Variants in LPIN1 observed in about 807,000 individuals in gnomAD.
The protein encoded by LPIN1 is lipin 1, also known as phosphatidate phosphatase LPIN1.
In LPIN1, 71 loss-of-function variants were observed where a neutral mutation model predicts 107.5. The ratio of observed to expected loss-of-function variants is 0.66; its 90% CI spans 0.55 to 0.80. The LOEUF (loss-of-function observed/expected upper bound fraction) is 0.80, where lower values mean the gene tolerates loss of function less well. Ranked by LOEUF, LPIN1 falls within the 30% of genes least tolerant of loss-of-function variation. The pLI is 0.00. For synonymous variants in LPIN1, 445 were observed against 452.6 expected, an observed-to-expected ratio of 0.98 and a Z score of 0.21; for missense variants, 1,043 against 1,160.6, an observed-to-expected ratio of 0.90 and a Z score of 1.47.
At chr2:11,769,809 G>A (rs772743630) in intron 3 of LPIN1, among the ~76,000 whole-genome samples, 3 of 152,168 alleles carry the variant, frequency 2.0e-5, no homozygotes, top group Admixed American at 6.5e-5. Flanking sequence ...GAATGAAATC[G>A]ACTTGAACTA....
rs372109726 is a variant in LPIN1, at chr2:11,804,452, C to A, written c.2043C>A (p.Asn681Lys). ...GCTTGAAGTTGAAGAATGGCCCCAA[C>A]GACGTGGTTTTCAGTGTCACCACGC... Reference protein sequence around the residue: ...LKSLKLKNGPNDVVFSVTTQY... With the variant: ...LKSLKLKNGPKDVVFSVTTQY... The change falls in exon 16 of 21, where the codon AAC becomes AAA. Residue 681 changes from asparagine (N) to lysine (K), a missense_variant. Physicochemically the swap from Asn to Lys is moderately conservative, Grantham distance 94. Transcript: ENST00000674199. The A allele has an allele frequency of 6.2e-7, 1 of 1,614,116 alleles. No individual in the cohort carries two copies. The highest frequency in any genetic ancestry group is 2.2e-5 in the East Asian group (1 of 44,906).
At chr2:11,704,471 C>T (rs986104673) in intron 1 of LPIN1, among the ~76,000 whole-genome samples, 1 of 152,140 alleles carries the variant, frequency 6.6e-6, no homozygotes, top group South Asian at 2.1e-4. Flanking sequence ...TGGGTAGCAG[C>T]CCGCACTGGA....
In LPIN1 at chr2:11,713,459, C is replaced by G. The variant is rs56122279; in HGVS notation, c.82-297C>G. On this transcript the variant is annotated intron_variant, in intron 1 of 21. Transcript: ENST00000449576. ...CTAATTTTTGTATTTTTAGTAGAGA[C>G]AGGGTTTTGCCATGTTGGCCAGGCT... Among the ~76,000 whole-genome samples the G allele has an allele frequency of 0.023, 3,466 of 152,264 alleles. 140 individuals are homozygous for G. Among genetic ancestry groups the G allele is most frequent in the African/African-American group, 0.079 (3,272 of 41,530 alleles).
At chr2:11,684,053 C>T (rs770050762) in intron 1 of LPIN1, among the ~76,000 whole-genome samples, 17 of 152,224 alleles carry the variant, frequency 1.1e-4, no homozygotes, top group Non-Finnish European at 1.6e-4. Flanking sequence ...GGCAAAGTAT[C>T]CATTTAGTGA....
At chr2:11,696,449 T>C (rs560394457) in intron 1 of LPIN1, among the ~76,000 whole-genome samples, 11 of 152,256 alleles carry the variant, frequency 7.2e-5, no homozygotes, top group African/African-American at 2.6e-4. Context: ...TATTCACCTC[T>C]AGTCCATAGG....
chr2:11,824,747 C>G lies in LPIN1; in HGVS notation c.2737C>G (p.Leu913Val), dbSNP rs375266851. 6.2e-7 allele frequency: 1 copy of G among 1,614,240 alleles called. No individual in the cohort carries two copies. Among genetic ancestry groups the G allele is most frequent in the Non-Finnish European group, 8.5e-7 (1 of 1,180,052 alleles). ...FSNFTFWREP[L>V]PPFENQDIHS... ...TAACTTCACCTTTTGGAGAGAGCCACTGCCACCTTTTGAAAACCAGGACAT... is the reference window on the plus strand; with the variant it reads ...TAACTTCACCTTTTGGAGAGAGCCAGTGCCACCTTTTGAAAACCAGGACAT... The change falls in exon 21 of 21, where the codon CTG (leucine) becomes GTG (valine). Residue 913 changes from leucine (L) to valine (V), a missense_variant. Leu to Val is a conservative substitution (Grantham distance 32, BLOSUM62 1). Transcript: ENST00000674199.
chr2:11,759,133 T>TTTTCTTTCTTTA (rs1669146903), intron 1 of LPIN1, among the ~76,000 whole-genome samples: 2 of 131,534 alleles, frequency 1.5e-5, no homozygotes, highest in African/African-American at 5.8e-5. Flanking sequence ...GCTTTCTTTC[T>TTTTCTTTCTTTA]TTTCTTTCTT....
intron 1 of LPIN1, among the ~76,000 whole-genome samples, chr2:11,756,712 C>T (rs138161126): frequency 1.3e-5 from 2 of 152,186 alleles, no homozygotes; most frequent in East Asian, 3.9e-4. Flanking sequence ...TTTTAATAAT[C>T]GATGCTGTTC....
intron 1 of LPIN1, among the ~76,000 whole-genome samples, chr2:11,725,706 G>A (rs1303658987): frequency 1.3e-5 from 2 of 152,192 alleles, no homozygotes; most frequent in Admixed American, 6.5e-5. Flanking sequence ...TTTTGTTTCT[G>A]AGTTGGGAAA....
chr2:11,770,625 A>G lies in LPIN1; in HGVS notation c.289-747A>G, dbSNP rs114053119. ...TTTGAATGATCAGCAGCACACGTTT[A>G]TTTATCCCCTCTGTTTTATGTATAT... On this transcript the variant is annotated intron_variant, in intron 3 of 20. Coordinates refer to ENST00000674199, the MANE Select transcript of LPIN1 (RefSeq NM_001349206.2). Among the ~76,000 whole-genome samples, 932 of 152,282 alleles carry G rather than the reference A, an allele frequency of 6.1e-3. 7 individuals carry two copies. The highest frequency in any genetic ancestry group is 0.021 in the African/African-American group (874 of 41,556).
intron 13 of LPIN1, 73 bp from the exon 14 acceptor site, chr2:11,795,335 T>C: frequency 7.8e-7 from 1 of 1,281,338 alleles, no homozygotes; most frequent in Non-Finnish European, 1.1e-6. Flanking sequence ...AGGAAGCCCA[T>C]GGGAAAACAC....
At chr2:11,811,857 T>TGC (rs1558290853) in intron 17 of LPIN1, among the ~76,000 whole-genome samples, 6 of 152,062 alleles carry the variant, frequency 3.9e-5, no homozygotes, top group Non-Finnish European at 5.9e-5. Context: ...TGGTAGTGCA[T>TGC]GCCTGTAGTC....
intron 3 of LPIN1, among the ~76,000 whole-genome samples, chr2:11,768,813 G>A (rs760577037): frequency 7.9e-5 from 12 of 152,154 alleles, no homozygotes; most frequent in Non-Finnish European, 1.8e-4. Flanking sequence ...GCGGGTGCCT[G>A]TAGTCCCAGC....
At chr2:11,762,228 AG>A (rs1470275460) in intron 1 of LPIN1, among the ~76,000 whole-genome samples, 1 of 152,152 alleles carries the variant, frequency 6.6e-6, no homozygotes. Flanking sequence ...GCACAGGGCA[AG>A]GCGGTGGAGG....
At chr2:11,805,941 C>T (rs963418136) in intron 17 of LPIN1, among the ~76,000 whole-genome samples, 2 of 152,176 alleles carry the variant, frequency 1.3e-5, no homozygotes, top group African/African-American at 4.8e-5. Context: ...GCCTCTCTCC[C>T]GCTCAGTCAT....
intron 1 of LPIN1, among the ~76,000 whole-genome samples, chr2:11,755,435 G>T (rs888250582): frequency 6.6e-6 from 1 of 152,152 alleles, no homozygotes; most frequent in Non-Finnish European, 1.5e-5. Context: ...GGCAGGTACC[G>T]CGTCAGAAAT....
intron 1 of LPIN1, among the ~76,000 whole-genome samples, chr2:11,760,099 C>T (rs1246859230): frequency 1.2e-3 from 141 of 119,406 alleles, no homozygotes; most frequent in Non-Finnish European, 2.3e-3. Flanking sequence ...GGGGCAGAGG[C>T]GCTCCCCACA....
At chr2:11,782,165 G>A (rs1558893719) in intron 7 of LPIN1, 36 bp from the exon 8 acceptor site, 3 of 1,544,120 alleles carry the variant, frequency 1.9e-6, no homozygotes, top group Admixed American at 1.7e-5. Flanking sequence ...TGCTGACCTT[G>A]TCTCTCTCTC....
rs1673750884 is a variant in LPIN1 at position 11,782,496 on chromosome 2, C to G, written c.1253C>G (p.Ser418Cys). The G allele has an allele frequency of 1.2e-6, 2 of 1,614,182 alleles. No homozygotes were observed. Among genetic ancestry groups the G allele is most frequent in the African/African-American group, 1.3e-5 (1 of 75,050 alleles). Residue 418 changes from serine to cysteine, a missense_variant, in exon 8 of 21, where the codon TCC (serine) becomes TGC (cysteine). Ser to Cys is a moderately radical substitution (Grantham distance 112). Coordinates refer to ENST00000674199, the MANE Select transcript of LPIN1 (RefSeq NM_001349206.2). ...VQTANKTDSP[S>C]RKRDKRSRHL... ...ACAGCAAACAAGACGGATTCTCCTTCCAGGAAAAGAGGTACCAAGGCTGGG... is the reference window on the plus strand; with the variant it reads ...ACAGCAAACAAGACGGATTCTCCTTGCAGGAAAAGAGGTACCAAGGCTGGG...
Sources: gnomAD v4.1 joint callset for allele counts (sites outside exome capture counted in the v4.1 genomes callset) on GRCh38, gnomAD v4.1.1 for gene constraint, MANE v1.5 for transcripts, NCBI Gene and HGNC (gene_info 2026-07-23, HGNC 2026-07-21) for gene names.